The following ABCA12 variants were observed in gnomAD, a reference collection of about 807,000 sequenced individuals.
ABCA12 encodes ATP binding cassette subfamily A member 12.
ABCA12 carries 156 observed loss-of-function variants against 293.5 expected under a neutral mutation model. The observed-to-expected ratio is 0.53, with a 90% CI of 0.47 to 0.61. The LOEUF is 0.61. Among genes scored for constraint, ABCA12 ranks in the 20% least tolerant of loss-of-function variants. ABCA12 has a pLI of 0.00. For missense variants in ABCA12, 2,797 were observed against 3,090.2 expected, an observed-to-expected ratio of 0.91 and a Z score of 2.25; for synonymous variants, 1,063 against 1,108.0, an observed-to-expected ratio of 0.96 and a Z score of 0.81.
At chr2:215,084,004 G>A (rs1019856352) in intron 2 of ABCA12, among the ~76,000 whole-genome samples, 6 of 151,814 alleles carry the variant, frequency 4.0e-5, no homozygotes, top group African/African-American at 9.7e-5. Flanking sequence ...TTGAGACAGG[G>A]TCTTACTGTG....
rs1199440244 is a variant in ABCA12, at chr2:214,982,382, T to A, written c.4384A>T (p.Thr1462Ser). Reference sequence around the variant, plus strand: ...CTATATAGTCCAGTATCTTTTAAAGTCCTTCAAAAATAATGTATGATGGTT... The same window carrying A: ...CTATATAGTCCAGTATCTTTTAAAGACCTTCAAAAATAATGTATGATGGTT... ...KKQLHEEVKR[T>S]LKDTGLYSHR... The change falls in exon 30 of 53, where the codon ACT (threonine) becomes TCT (serine). Residue 1462 changes from threonine to serine, a missense_variant and splice_region_variant. Transcript: ENST00000272895. 1 of 1,613,096 alleles carries A rather than the reference T, an allele frequency of 6.2e-7. No homozygotes were observed. Among genetic ancestry groups the A allele is most frequent in the Non-Finnish European group, 8.5e-7 (1 of 1,179,252 alleles).
intron 3 of ABCA12, among the ~76,000 whole-genome samples, chr2:215,063,664 G>C (rs907930152): frequency 6.6e-6 from 1 of 151,966 alleles, no homozygotes; most frequent in African/African-American, 2.4e-5. Flanking sequence ...GTATCTGAAA[G>C]TATCACACAT....
At chr2:214,984,540 C>G (rs1699743775) in intron 28 of ABCA12, among the ~76,000 whole-genome samples, 1 of 152,126 alleles carries the variant, frequency 6.6e-6, no homozygotes, top group African/African-American at 2.4e-5. Context: ...CAGGATTGCT[C>G]TATATATCTA....
At chr2:215,017,839 A>T in intron 14 of ABCA12, 169 bp downstream of exon 14, 1 of 854,846 alleles carries the variant, frequency 1.2e-6, no homozygotes, top group Non-Finnish European at 1.8e-6. Context: ...TTCTTGCTTC[A>T]GAATTTTTCT....
intron 1 of ABCA12, among the ~76,000 whole-genome samples, chr2:215,121,024 A>G (rs115810265): frequency 1.8e-3 from 275 of 152,296 alleles, no homozygotes; most frequent in African/African-American, 6.4e-3. Flanking sequence ...GATAATAGCT[A>G]ATATATATTG....
intron 1 of ABCA12, among the ~76,000 whole-genome samples, chr2:215,134,577 A>G (rs1247281970): frequency 1.3e-5 from 1 of 76,846 alleles, no homozygotes; most frequent in Admixed American, 1.4e-4. Context: ...TATATATATA[A>G]TCTCTCTCTC....
At position 214,977,087 on chromosome 2, in the gene ABCA12, A is replaced by C. The variant is rs566612650; in HGVS notation, c.5129-1050T>G. 2.6e-5 allele frequency among the ~76,000 whole-genome samples: 4 copies of C among 152,226 alleles called. No homozygotes were observed. The East Asian group carries it at 7.7e-4, about 29-fold the overall frequency. Reference sequence around the variant, plus strand: ...AGTGAACAAGTTTAAATGCAAACTCATATCTCTGCAAAAGGGAACTGTAGA... The same window carrying C: ...AGTGAACAAGTTTAAATGCAAACTCCTATCTCTGCAAAAGGGAACTGTAGA... On this transcript the variant is annotated intron_variant, in intron 33 of 52. Transcript: ENST00000272895.
At chr2:214,991,058 T>A in intron 23 of ABCA12, 27 bp from the exon 24 acceptor site, 1 of 1,582,654 alleles carries the variant, frequency 6.3e-7, no homozygotes, top group Non-Finnish European at 8.7e-7. Flanking sequence ...TGTGAGGCGC[T>A]TGTTATGCTG....
intron 7 of ABCA12, among the ~76,000 whole-genome samples, chr2:215,041,700 G>C (rs1349781891): frequency 1.3e-5 from 2 of 152,120 alleles, no homozygotes; most frequent in African/African-American, 2.4e-5. Context: ...ATAATGAAGA[G>C]ATAGTAGTAT....
At chr2:214,952,057 C>CA (rs60347424) in intron 44 of ABCA12, among the ~76,000 whole-genome samples, 1,777 of 132,640 alleles carry the variant, frequency 0.013, 38 homozygotes, top group African/African-American at 0.05. Flanking sequence ...TAACAAATAC[C>CA]AAAAAAAAAA....
At chr2:215,009,322 G>A (rs780772876) in intron 18 of ABCA12, among the ~76,000 whole-genome samples, 1 of 151,996 alleles carries the variant, frequency 6.6e-6, no homozygotes, top group Non-Finnish European at 1.5e-5. Context: ...GAGGGTGGGA[G>A]GAGGAAAAGG....
chr2:215,064,343 A>T (rs1330077681), intron 2 of ABCA12, 124 bp from the exon 3 acceptor site: 6 of 952,066 alleles, frequency 6.3e-6, no homozygotes, highest in Middle Eastern at 6.2e-4. Context: ...CCCCCAACTG[A>T]GCCCCAACTC....
Position 215,138,418 on chromosome 2 carries a change from A to G in ABCA12, c.-210T>C. 1 of 596,568 alleles carries G rather than the reference A, an allele frequency of 1.7e-6. No homozygotes were observed. Among genetic ancestry groups the G allele is most frequent in the Admixed American group, 2.8e-5 (1 of 35,902 alleles). The allele number at this position is 596,568 out of a possible 1,614,324, so 37.0% of individuals were successfully genotyped here. ...ATCCTTAACCAAGAGGCACTTCTCAATCAACTCTTCTTCCAAAAGAAGGAC... is the reference window on the plus strand; with the variant it reads ...ATCCTTAACCAAGAGGCACTTCTCAGTCAACTCTTCTTCCAAAAGAAGGAC... On this transcript the variant is annotated 5_prime_UTR_variant, in exon 1 of 53. Transcript: ENST00000272895.
chr2:215,024,469 T>C (rs1247410612), intron 11 of ABCA12, among the ~76,000 whole-genome samples: 1 of 152,234 alleles, frequency 6.6e-6, no homozygotes, highest in East Asian at 1.9e-4. Context: ...ACTCTAATAT[T>C]ATCGAAGAAG....
rs542906940 is a variant in ABCA12 at position 215,024,484 on chromosome 2, A to G, written c.1287+1189T>C. 5.3e-5 allele frequency among the ~76,000 whole-genome samples: 8 copies of G among 152,338 alleles called. No homozygotes were observed. The South Asian group carries it at 1.7e-3, about 32-fold the overall frequency. Reference sequence around the variant, plus strand: ...ACTCTAATATTATCGAAGAAGTGGTATTTAAACTTGTCCTTGAGGGATGAG... The same window carrying G: ...ACTCTAATATTATCGAAGAAGTGGTGTTTAAACTTGTCCTTGAGGGATGAG... On this transcript the variant is annotated intron_variant, in intron 11 of 52. Coordinates refer to ENST00000272895, the MANE Select transcript of ABCA12 (RefSeq NM_173076.3).
chr2:215,046,803 G>A (rs1701212433), intron 6 of ABCA12, among the ~76,000 whole-genome samples: 1 of 151,874 alleles, frequency 6.6e-6, no homozygotes. Flanking sequence ...ATTCATAATA[G>A]CAAAGACATG....
intron 8 of ABCA12, among the ~76,000 whole-genome samples, chr2:215,035,050 T>A (rs905869589): frequency 6.6e-6 from 1 of 152,176 alleles, no homozygotes; most frequent in Non-Finnish European, 1.5e-5. Context: ...CAGGTATCTG[T>A]ACTTGGACCA....
intron 45 of ABCA12, among the ~76,000 whole-genome samples, chr2:214,949,373 TATATAC>T (rs1008627253): frequency 1.4e-5 from 2 of 145,594 alleles, no homozygotes; most frequent in Non-Finnish European, 3.0e-5. Context: ...TATATATATA[TATATAC>T]ACACACACAC....
intron 36 of ABCA12, 152 bp from the exon 37 acceptor site, chr2:214,970,552 AAG>A: frequency 1.2e-6 from 1 of 820,474 alleles, no homozygotes; most frequent in Non-Finnish European, 1.9e-6. Flanking sequence ...AGCTTTGAAA[AAG>A]AAGTCATCTC....
Sources: gnomAD v4.1 joint callset for allele counts (sites outside exome capture counted in the v4.1 genomes callset) on GRCh38, gnomAD v4.1.1 for gene constraint, MANE v1.5 for transcripts, NCBI Gene and HGNC (gene_info 2026-07-23, HGNC 2026-07-21) for gene names.